The following NPFFR1 variants were observed in gnomAD, a reference collection of about 807,000 sequenced individuals.
NPFFR1 encodes neuropeptide FF receptor 1, also known as G-protein coupled receptor 147.
Under a neutral mutation model 12.7 loss-of-function variants are expected in NPFFR1, and 17 were observed. That is an observed-to-expected ratio of 1.34 (90% CI 0.92 to 2.01). NPFFR1 has a LOEUF of 2.01. Ranked by LOEUF, NPFFR1 falls within the 30% of genes most tolerant of loss-of-function variation. The pLI, the probability that NPFFR1 is intolerant of heterozygous loss-of-function variation, is 0.00. For synonymous variants in NPFFR1, 296 were observed against 264.5 expected, an observed-to-expected ratio of 1.12 and a Z score of -1.16; for missense variants, 604 against 606.5, an observed-to-expected ratio of 1.00 and a Z score of 0.04.
chr10:70,255,554 G>A lies in NPFFR1; in HGVS notation c.696C>T (p.Ile232=), dbSNP rs898341268. 4 of 1,550,592 alleles carry A rather than the reference G, an allele frequency of 2.6e-6. No homozygotes were observed. Among genetic ancestry groups the A allele is most frequent in the Non-Finnish European group, 3.5e-6 (4 of 1,146,900 alleles). ...GCGCGATGCGGGCGTACATGACCAC[G>A]ATGAGCGCCAGCGGCGCCAGGTAGA... ...SHIYLAPLAL[I]VVMYARIARK... The change falls in exon 4 of 4, where the codon ATC becomes ATT. Residue 232 remains isoleucine (I), a synonymous_variant. Coordinates refer to ENST00000277942, the MANE Select transcript of NPFFR1 (RefSeq NM_022146.5). The surrounding 1 kb of genome is among the most constrained non-coding windows in gnomAD (Gnocchi z 4.2).
At position 70,255,169 on chromosome 10, in the gene NPFFR1, AG is replaced by A. The variant is rs775632722; in HGVS notation, c.1080del (p.Ser361ProfsTer99). ...PRPSGSHKEA[Y>X]SERPGGLLHR... ...TGCAGAAGCCCGCCGGGCCGCTCGG[AG>A]TAGGCCTCCTTGTGGCTCCCCGACG... is the stretch of plus-strand genomic sequence containing the variant. On this transcript the variant is annotated frameshift_variant, in exon 4 of 4. Transcript: ENST00000277942. LOFTEE classifies it low-confidence loss of function (END_TRUNC). This position sits in a 1 kb window ranked among gnomAD's most constrained non-coding sequence, Gnocchi z 4.2. The A allele has an allele frequency of 6.5e-7, 1 of 1,546,604 alleles. No homozygotes were observed. Among genetic ancestry groups the A allele is most frequent in the Non-Finnish European group, 8.7e-7 (1 of 1,148,224 alleles).
Position 70,247,908 on chromosome 10 carries a change from T to C in NPFFR1, c.*7049A>G, listed in dbSNP as rs1840465692. The stretch of plus-strand genomic sequence containing the variant: ...TTTGAGGGCTTGATGTGGTATTGAG[T>C]CAAACTAAATTTAAACCTTTTACCT... On this transcript the variant is annotated 3_prime_UTR_variant, in exon 4 of 4. Transcript: ENST00000277942. 6.6e-6 allele frequency: 1 copy of C among 152,172 alleles called. No homozygotes were observed. Among genetic ancestry groups the C allele is most frequent in the South Asian group, 2.1e-4 (1 of 4,818 alleles). The allele number at this position is 152,172 out of a possible 1,614,324, so 9.4% of individuals were successfully genotyped here. A position where few individuals can be genotyped will look rare whatever the true frequency, so the allele number is the denominator to read the frequency against.
At chr10:70,272,251 G>GAAAGAA (rs11447906) in intron 1 of NPFFR1, among the ~76,000 whole-genome samples, 1 of 45,502 alleles carries the variant, frequency 2.2e-5, no homozygotes, top group African/African-American at 7.4e-5. Flanking sequence ...AAAGAAGAAA[G>GAAAGAA]AAGAAAGAAA....
intron 1 of NPFFR1, among the ~76,000 whole-genome samples, chr10:70,268,169 C>G (rs1589913461): frequency 1.3e-5 from 2 of 152,092 alleles, no homozygotes; most frequent in African/African-American, 4.8e-5. Flanking sequence ...TCATCCATAT[C>G]CCCACTTCTC....
intron 2 of NPFFR1, among the ~76,000 whole-genome samples, 155 bp from the exon 3 acceptor site, chr10:70,260,894 A>AG (rs1245629363): frequency 6.6e-6 from 1 of 152,024 alleles, no homozygotes; most frequent in East Asian, 1.9e-4. Flanking sequence ...TTCAGAAATG[A>AG]GGAACCAACC....
chr10:70,256,241 C>T (rs76543381), intron 3 of NPFFR1, among the ~76,000 whole-genome samples: 4,317 of 152,090 alleles, frequency 0.028, 82 homozygotes, highest in East Asian at 0.055. Context: ...GCCACCTCGC[C>T]GGCTAATTTC....
rs869052329 is a variant in NPFFR1 at position 70,248,485 on chromosome 10, G to GTTT, written c.*6469_*6471dup. The GTTT allele has an allele frequency of 4.4e-5, 4 of 91,338 alleles. No individual in the cohort carries two copies. Among genetic ancestry groups the GTTT allele is most frequent in the African/African-American group, 1.2e-4 (3 of 24,004 alleles). 5.7% of individuals were successfully genotyped at this position (91,338 alleles called of 1,614,324 possible). ...GCCTGGCGTTTTTTTTTTGTTTTTT[G>GTTT]TTTTTTTTTTTTTTTTTTGAGATGG... On this transcript the variant is annotated 3_prime_UTR_variant, in exon 4 of 4. Transcript: ENST00000277942.
At chr10:70,283,178 C>T (rs1169973040) in intron 1 of NPFFR1, among the ~76,000 whole-genome samples, 1 of 151,484 alleles carries the variant, frequency 6.6e-6, no homozygotes, top group East Asian at 1.9e-4. Context: ...CACATATGTA[C>T]AACACAAATA....
rs949124392 is a variant in NPFFR1 at position 70,249,789 on chromosome 10, A to G, written c.*5168T>C. 2.4e-4 allele frequency: 36 copies of G among 151,032 alleles called. No homozygotes were observed. Among genetic ancestry groups the G allele is most frequent in the African/African-American group, 8.0e-4 (33 of 41,150 alleles). The allele number at this position is 151,032 out of a possible 1,614,324, so 9.4% of individuals were successfully genotyped here. On this transcript the variant is annotated 3_prime_UTR_variant, in exon 4 of 4. Transcript: ENST00000277942. ...TGAGCCACCGCACCCAGCCAAAATCATGTTTTTAAAAGAAAGATTTGAAGA... is the reference window on the plus strand; with the variant it reads ...TGAGCCACCGCACCCAGCCAAAATCGTGTTTTTAAAAGAAAGATTTGAAGA...
intron 1 of NPFFR1, chr10:70,277,970 A>G (rs1412446033): frequency 1.9e-6 from 1 of 519,842 alleles, no homozygotes. Flanking sequence ...CCTCCAGGCC[A>G]TTGTTTTAAT....
chr10:70,248,467 GTTTTTTTTTTGTTTTTTGTTTTTT>G lies in NPFFR1; in HGVS notation c.*6466_*6489del, dbSNP rs1270346448. 7 of 96,744 alleles carry G rather than the reference GTTTTTTTTTTGTTTTTTGTTTTTT, an allele frequency of 7.2e-5. No individual in the cohort carries two copies. The highest frequency in any genetic ancestry group is 2.8e-4 in the African/African-American group (7 of 24,728). The allele number at this position is 96,744 out of a possible 1,614,324, so 6.0% of individuals were successfully genotyped here. A position where few individuals can be genotyped will look rare whatever the true frequency, so the allele number is the denominator to read the frequency against. On this transcript the variant is annotated 3_prime_UTR_variant, in exon 4 of 4. Transcript: ENST00000277942. Reference sequence around the variant, plus strand: ...CAAAGTACGTAGTACTATGCCTGGCGTTTTTTTTTTGTTTTTTGTTTTTTTTTTTTTTTTTTGAGATGGAGTCTC... The same window carrying G: ...CAAAGTACGTAGTACTATGCCTGGCGTTTTTTTTTTTTGAGATGGAGTCTC...
chr10:70,282,932 G>A lies in NPFFR1; in HGVS notation c.7+738C>T, dbSNP rs184054220. 1.1e-3 allele frequency among the ~76,000 whole-genome samples: 167 copies of A among 152,216 alleles called. 1 individual carries two copies. The highest frequency in any genetic ancestry group is 3.9e-3 in the African/African-American group (164 of 41,520). ...TCCATAGTTCACTCTCCTTTCCTTA[G>A]GGAGAGAAATTCTCTCTACATGGAG... is the stretch of plus-strand genomic sequence containing the variant. On this transcript the variant is annotated intron_variant, in intron 1 of 3. Coordinates refer to ENST00000277942, the MANE Select transcript of NPFFR1 (RefSeq NM_022146.5).
intron 2 of NPFFR1, among the ~76,000 whole-genome samples, chr10:70,262,520 AAATCACAG>A (rs1840644782): frequency 6.6e-6 from 1 of 152,232 alleles, no homozygotes; most frequent in African/African-American, 2.4e-5. Context: ...AGGCAAACCC[AAATCACAG>A]AAGTATGTTA....
In NPFFR1 at chr10:70,280,680, A is replaced by G. The variant is rs529719941; in HGVS notation, c.7+2990T>C. On this transcript the variant is annotated intron_variant, in intron 1 of 3. Coordinates refer to ENST00000277942, the MANE Select transcript of NPFFR1 (RefSeq NM_022146.5). ...ATACATTATTTTCTTTCTTTTTGAA[A>G]ACGCTTTTTTGTTTTGTTGTGCTTA... 2.6e-5 allele frequency among the ~76,000 whole-genome samples: 4 copies of G among 152,082 alleles called. No homozygotes were observed. The South Asian group carries it at 8.3e-4, about 31-fold the overall frequency.
chr10:70,277,860 G>C (rs1840820031), intron 1 of NPFFR1: 1 of 482,874 alleles, frequency 2.1e-6, no homozygotes, highest in Admixed American at 2.2e-5. Context: ...AGGCAAATGA[G>C]GGTTACTGCC....
chr10:70,272,266 T>C (rs1375286195), intron 1 of NPFFR1, among the ~76,000 whole-genome samples: 1 of 76,880 alleles, frequency 1.3e-5, no homozygotes. Flanking sequence ...AAGAAAATAA[T>C]AGAAAGAAAA....
intron 1 of NPFFR1, among the ~76,000 whole-genome samples, chr10:70,272,787 C>T (rs1840763652): frequency 6.6e-6 from 1 of 152,148 alleles, no homozygotes; most frequent in African/African-American, 2.4e-5. Flanking sequence ...GAGGGACCCG[C>T]CCCCAGATCC....
intron 1 of NPFFR1, among the ~76,000 whole-genome samples, chr10:70,277,581 C>G (rs1043021293): frequency 2.6e-5 from 4 of 152,232 alleles, no homozygotes; most frequent in Non-Finnish European, 5.9e-5. Context: ...CCCCTCTTCT[C>G]TCCAGTGACC....
chr10:70,278,899 GA>G (rs1840832040), intron 1 of NPFFR1, among the ~76,000 whole-genome samples: 1 of 152,130 alleles, frequency 6.6e-6, no homozygotes, highest in Non-Finnish European at 1.5e-5. Flanking sequence ...TGTGTCTTAT[GA>G]ACAGTTGCTC....
Sources: allele counts gnomAD v4.1 joint callset (sites outside exome capture counted in the v4.1 genomes callset), GRCh38; gene constraint gnomAD v4.1.1; non-coding constraint Gnocchi (gnomAD v3.1); transcripts MANE v1.5; gene names NCBI Gene and HGNC (gene_info 2026-07-23, HGNC 2026-07-21).